PCED1A: variants seen among roughly 807,000 people sequenced by gnomAD.
PCED1A encodes the protein PC-esterase domain containing 1A, also known as PC-esterase domain-containing protein 1A.
PCED1A carries 20 observed loss-of-function variants against 41.9 expected under a neutral mutation model. The ratio of observed to expected loss-of-function variants is 0.48; its 90% CI spans 0.34 to 0.69. The LOEUF is 0.69. Ranked by LOEUF, PCED1A falls within the 30% of genes least tolerant of loss-of-function variation. The pLI is 0.01. For synonymous variants in PCED1A, 236 were observed against 241.3 expected (o/e 0.98, Z 0.20); for missense variants, 498 against 602.1 (o/e 0.83, Z 1.81).
chr20:2,835,314 T>C lies in PCED1A; in HGVS notation c.*148A>G. 8.9e-7 allele frequency: 1 copy of C among 1,120,860 alleles called. No homozygotes were observed. The highest frequency in any genetic ancestry group is 1.2e-6 in the Non-Finnish European group (1 of 824,526). The allele number at this position is 1,120,860 out of a possible 1,614,324, so 69.4% of individuals were successfully genotyped here. On this transcript the variant is annotated 3_prime_UTR_variant, in exon 8 of 8. Transcript: ENST00000360652. The stretch of plus-strand genomic sequence containing the variant: ...TTGGGATACCCACTGCACACAGGAA[T>C]TTGTCACTCTGTTCTTCCATGCCTT...
In PCED1A at chr20:2,835,462, C is replaced by A; in HGVS notation, c.1365G>T (p.Ter455TyrextTer41). The change falls in exon 8 of 8, where the codon TAG becomes TAT. Residue 455 changes from the stop codon to tyrosine, a stop_lost. Transcript: ENST00000360652. ...ATCCAGTCCCAGCCCAAGATCCAGT[C>A]TACCCAGGCCATGTCCCCGAATGGG... ...PPAHSGTWPG* is the reference protein window; with the variant it reads ...PPAHSGTWPGY 2 of 1,603,138 alleles carry A rather than the reference C, an allele frequency of 1.2e-6. No homozygotes were observed. The highest frequency in any genetic ancestry group is 1.1e-5 in the South Asian group (1 of 89,980).
In PCED1A at chr20:2,838,116, G is replaced by A; in HGVS notation, c.841+116C>T. On this transcript the variant is annotated intron_variant, in intron 6 of 7. Coordinates refer to ENST00000360652, the MANE Select transcript of PCED1A (RefSeq NM_022760.6). The surrounding 1 kb of genome is among the most constrained non-coding windows in gnomAD (Gnocchi z 5.8). ...GAGGAAGGTGCATGCAGAAGCCACA[G>A]GAGTCCTTCAAGGGACCTCTACTTC... 2 of 1,478,252 alleles carry A rather than the reference G, an allele frequency of 1.4e-6. No homozygotes were observed. Among genetic ancestry groups the A allele is most frequent in the South Asian group, 1.2e-5 (1 of 81,652 alleles). The allele number at this position is 1,478,252 out of a possible 1,614,324, so 91.6% of individuals were successfully genotyped here. A position where few individuals can be genotyped will look rare whatever the true frequency, so the allele number is the denominator to read the frequency against.
chr20:2,839,966 T>C, intron 1 of PCED1A, 33 bp from the exon 2 acceptor site: 16 of 1,567,876 alleles, frequency 1.0e-5, no homozygotes, highest in African/African-American at 1.3e-5. Context: ...AGCGCGATGG[T>C]GGGGACTCTG....
intron 3 of PCED1A, 50 bp from the exon 4 acceptor site, chr20:2,839,132 C>T: frequency 7.3e-7 from 1 of 1,365,462 alleles, no homozygotes; most frequent in Non-Finnish European, 9.7e-7. Context: ...GGGAGGAGAA[C>T]CCTGCCAGGC....
chr20:2,838,733 A>G lies in PCED1A; in HGVS notation c.457T>C (p.Ser153Pro). The part of the protein sequence containing the change: ...LWDLSRYGRC[S>P]MESYRENLER... ...AGGTTCTCCCGGTAGCTCTCCATTGAGCAGCGACCATATCTGTTGGATAAC... is the reference window on the plus strand; with the variant it reads ...AGGTTCTCCCGGTAGCTCTCCATTGGGCAGCGACCATATCTGTTGGATAAC... The change falls in exon 5 of 8, where the codon TCA (serine) becomes CCA (proline). Residue 153 changes from serine to proline, a missense_variant. Ser to Pro is a moderately conservative substitution (Grantham distance 74, BLOSUM62 -1). Around this residue, in one of 2 missense-constraint regions of PCED1A, gnomAD observed 253 missense variants for 369.7 expected, o/e 0.68. Coordinates refer to ENST00000360652, the MANE Select transcript of PCED1A (RefSeq NM_022760.6). The surrounding 1 kb of genome is among the most constrained non-coding windows in gnomAD (Gnocchi z 5.8). 1 of 1,614,144 alleles carries G rather than the reference A, an allele frequency of 6.2e-7. No homozygotes were observed. Among genetic ancestry groups the G allele is most frequent in the Non-Finnish European group, 8.5e-7 (1 of 1,180,032 alleles).
At chr20:2,839,333 G>A in intron 2 of PCED1A, 62 bp from the exon 3 acceptor site, 1 of 1,504,116 alleles carries the variant, frequency 6.6e-7, no homozygotes, top group Non-Finnish European at 9.2e-7. Flanking sequence ...CTCCTTCCAA[G>A]TCCAGGACCC....
Position 2,835,568 on chromosome 20 carries a change from C to T in PCED1A, c.1259G>A (p.Arg420Lys), listed in dbSNP as rs1169270030. The change falls in exon 8 of 8, where the codon AGA becomes AAA. Residue 420 changes from arginine (R) to lysine (K), a missense_variant. Arg to Lys is a conservative substitution (Grantham distance 26). Around this residue, in one of 2 missense-constraint regions of PCED1A, gnomAD observed 245 missense variants for 232.4 expected, o/e 1.05. Transcript: ENST00000360652. ...YVPNSPYHVR[R>K]MGGPCRQRLR... The stretch of plus-strand genomic sequence containing the variant: ...CCGCTGCCTGCAGGGCCCCCCCATT[C>T]TCCGCACATGGTAGGGGCTGTTAGG... The T allele has an allele frequency of 1.2e-6, 2 of 1,614,096 alleles. No homozygotes were observed. The highest frequency in any genetic ancestry group is 1.3e-5 in the African/African-American group (1 of 74,946).
Position 2,839,207 on chromosome 20 carries a change from G to A in PCED1A, c.189C>T (p.Ala63=), listed in dbSNP as rs2088897533. Residue 63 remains alanine, a synonymous_variant, in exon 3 of 8, where the codon GCC becomes GCT. Transcript: ENST00000360652. ...LLQKDSLLTA[A]QLKAKGELSF... ...CTTCCCTCACCTTGGCTTTCAGCTGGGCAGCTGTGAGCAGTGAGTCTTTCT... is the reference window on the plus strand; with the variant it reads ...CTTCCCTCACCTTGGCTTTCAGCTGAGCAGCTGTGAGCAGTGAGTCTTTCT... The A allele has an allele frequency of 6.2e-7, 1 of 1,613,546 alleles. No individual in the cohort carries two copies. Among genetic ancestry groups the A allele is most frequent in the African/African-American group, 1.3e-5 (1 of 74,756 alleles).
chr20:2,840,566 G>T lies in PCED1A; in HGVS notation c.-377C>A, dbSNP rs2088949597. On this transcript the variant is annotated 5_prime_UTR_variant, in exon 1 of 8. Transcript: ENST00000360652. ...TGGAGGTGGCCGCCACAGGGCGCAG[G>T]AGCCAGGGCTGGGCCCACTTGGCGG... 2 of 592,044 alleles carry T rather than the reference G, an allele frequency of 3.4e-6. No homozygotes were observed. Among genetic ancestry groups the T allele is most frequent in the Non-Finnish European group, 5.9e-6 (2 of 339,102 alleles). The allele number at this position is 592,044 out of a possible 1,614,324, so 36.7% of individuals were successfully genotyped here.
chr20:2,840,408 A>G lies in PCED1A; in HGVS notation c.-219T>C, dbSNP rs568898988. On this transcript the variant is annotated 5_prime_UTR_variant, in exon 1 of 8. It removes an upstream start codon present in the reference 5' UTR. Coordinates refer to ENST00000360652, the MANE Select transcript of PCED1A (RefSeq NM_022760.6). ...CACAGCCCAGCGCCCAGCGCTCTCC[A>G]TGCGAGCGTCGCTGTGGCCCCGACG... 1.6e-5 allele frequency: 6 copies of G among 370,228 alleles called. No homozygotes were observed. The highest frequency in any genetic ancestry group is 1.4e-4 in the Admixed American group (3 of 21,184). 22.9% of individuals were successfully genotyped at this position (370,228 alleles called of 1,614,324 possible). A position where few individuals can be genotyped will look rare whatever the true frequency, so the allele number is the denominator to read the frequency against.
chr20:2,839,085 A>ATGGGCCCCCC lies in PCED1A; in HGVS notation c.205-4_205-3insGGGGGGCCCA. On this transcript the variant is annotated splice_region_variant and splice_polypyrimidine_tract_variant and intron_variant, in intron 3 of 7. Transcript: ENST00000360652. ...TCCTGTTCAAAGCTCAGCTCCCCCT[A>ATGGGCCCCCC]CCCACCCCCCCCACCCTACTGGTCA... The ATGGGCCCCCC allele has an allele frequency of 2.0e-6, 1 of 491,566 alleles. No homozygotes were observed. Among genetic ancestry groups the ATGGGCCCCCC allele is most frequent in the Non-Finnish European group, 3.5e-6 (1 of 287,740 alleles). The allele number at this position is 491,566 out of a possible 1,614,324, so 30.5% of individuals were successfully genotyped here. A position where few individuals can be genotyped will look rare whatever the true frequency, so the allele number is the denominator to read the frequency against.
chr20:2,839,374 A>G, intron 2 of PCED1A, 103 bp from the exon 3 acceptor site: 1 of 1,064,086 alleles, frequency 9.4e-7, no homozygotes, highest in Non-Finnish European at 1.4e-6. Flanking sequence ...GCCCGACACC[A>G]GCTCTGTGGT....
rs1470385804 is a variant in PCED1A, at chr20:2,836,095, G to C, written c.1061C>G (p.Pro354Arg). 6.5e-7 allele frequency: 1 copy of C among 1,544,818 alleles called. No individual in the cohort carries two copies. The highest frequency in any genetic ancestry group is 2.3e-5 in the East Asian group (1 of 43,182). Residue 354 changes from proline (P) to arginine (R), a missense_variant, in exon 7 of 8, where the codon CCC becomes CGC. Pro to Arg is a moderately radical substitution (Grantham distance 103, BLOSUM62 -2). Around this residue, in one of 2 missense-constraint regions of PCED1A, gnomAD observed 245 missense variants for 232.4 expected, o/e 1.05. Transcript: ENST00000360652. Reference protein sequence around the residue: ...TPFFPGQPFPPHEFFNYNPVE... With the variant: ...TPFFPGQPFPRHEFFNYNPVE... ...TGGATTATAGTTGAAGAATTCATGG[G>C]GTGGGAAGGGCTGGCCTGGGAAAAA...
intron 6 of PCED1A, among the ~76,000 whole-genome samples, chr20:2,837,168 C>A (rs1205517445): frequency 6.6e-6 from 1 of 152,184 alleles, no homozygotes; most frequent in Non-Finnish European, 1.5e-5. Context: ...TTCAGGGCAT[C>A]CCATCATTTG....
chr20:2,836,416 G>A lies in PCED1A; in HGVS notation c.842-102C>T, dbSNP rs1599949082. The A allele has an allele frequency of 1.1e-5, 12 of 1,050,520 alleles. No individual in the cohort carries two copies. In the East Asian group the frequency reaches 2.6e-4, roughly 23 times the overall value. 65.1% of individuals were successfully genotyped at this position (1,050,520 alleles called of 1,614,324 possible). On this transcript the variant is annotated intron_variant, in intron 6 of 7. Coordinates refer to ENST00000360652, the MANE Select transcript of PCED1A (RefSeq NM_022760.6). ...CTCTATTCCTTCCTCTTGGAGAGCA[G>A]AGCCACCAGGCTGGAGCATCCTTGC...
chr20:2,835,635 G>T lies in PCED1A; in HGVS notation c.1192C>A (p.His398Asn), dbSNP rs757768255. The T allele has an allele frequency of 1.9e-6, 3 of 1,608,760 alleles. No homozygotes were observed. Among genetic ancestry groups the T allele is most frequent in the Non-Finnish European group, 2.6e-6 (3 of 1,175,984 alleles). The change falls in exon 8 of 8, where the codon CAC becomes AAC. Residue 398 changes from histidine to asparagine, a missense_variant. His to Asn is a moderately conservative substitution (Grantham distance 68). Coordinates refer to ENST00000360652, the MANE Select transcript of PCED1A (RefSeq NM_022760.6). ...CCCCGGTGGACCACTGGGCCCCAGT[G>T]CTGACCATGGGGATTAGGGCCAGGG... ...PIPGPNPHGQHWGPVVHRGMP... is the reference protein window; with the variant it reads ...PIPGPNPHGQNWGPVVHRGMP...
At chr20:2,836,499 TTC>T (rs1349702297) in intron 6 of PCED1A, among the ~76,000 whole-genome samples, 185 bp from the exon 7 acceptor site, 1 of 152,132 alleles carries the variant, frequency 6.6e-6, no homozygotes, top group Non-Finnish European at 1.5e-5. Context: ...AGTGTGTTCC[TTC>T]TCTCTTACCT....
chr20:2,837,090 T>C (rs2088847981), intron 6 of PCED1A, among the ~76,000 whole-genome samples: 1 of 152,216 alleles, frequency 6.6e-6, no homozygotes, highest in African/African-American at 2.4e-5. Flanking sequence ...TCCCTTTTCA[T>C]GGCCCTAACT....
In PCED1A at chr20:2,835,559, C is replaced by G. The variant is rs138567607; in HGVS notation, c.1268G>C (p.Gly423Ala). 5.0e-6 allele frequency: 8 copies of G among 1,614,146 alleles called. No individual in the cohort carries two copies. The East Asian group carries it at 1.3e-4, about 27-fold the overall frequency. ...GTGTCTGAGCCGCTGCCTGCAGGGC[C>G]CCCCCATTCTCCGCACATGGTAGGG... ...NSPYHVRRMG[G>A]PCRQRLRHSE... Residue 423 changes from glycine (G) to alanine (A), a missense_variant, in exon 8 of 8, where the codon GGG becomes GCG. This residue lies in a region of PCED1A where 245 missense variants were observed against 232.4 expected (regional missense o/e 1.05). Transcript: ENST00000360652.
Sources: gnomAD v4.1 joint callset for allele counts (sites outside exome capture counted in the v4.1 genomes callset) on GRCh38, gnomAD v4.1.1 for gene constraint, gnomAD v4.1.1 regional missense constraint, Gnocchi (gnomAD v3.1) non-coding constraint, MANE v1.5 for transcripts, NCBI Gene and HGNC (gene_info 2026-07-23, HGNC 2026-07-21) for gene names.